Variants in RFLNA observed in about 807,000 individuals in gnomAD.
RFLNA encodes the protein refilin-A.
In RFLNA, 5 loss-of-function variants were observed where a neutral mutation model predicts 7.8. The ratio of observed to expected loss-of-function variants is 0.64; its 90% CI spans 0.34 to 1.35. RFLNA has a LOEUF of 1.35. Ranked by LOEUF, RFLNA falls within the 40% of genes most tolerant of loss-of-function variation. The pLI is 0.04. For missense variants in RFLNA, 278 were observed against 305.5 expected (o/e 0.91, Z 0.67); for synonymous variants, 141 against 131.3 (o/e 1.07, Z -0.50).
intron 1 of RFLNA, among the ~76,000 whole-genome samples, chr12:124,298,453 C>A (rs2033969873): frequency 6.6e-6 from 1 of 152,224 alleles, no homozygotes; most frequent in Admixed American, 6.5e-5. Context: ...TCCCCACTCA[C>A]CATGGGCTTT....
intron 1 of RFLNA, among the ~76,000 whole-genome samples, chr12:124,299,375 G>C (rs975498068): frequency 6.6e-6 from 1 of 152,222 alleles, no homozygotes; most frequent in African/African-American, 2.4e-5. Flanking sequence ...TCTTTCCATA[G>C]GTTTTGGGGG....
chr12:124,313,836 G>C (rs561239086), intron 2 of RFLNA, among the ~76,000 whole-genome samples: 1 of 152,308 alleles, frequency 6.6e-6, no homozygotes, highest in South Asian at 2.1e-4. Context: ...CATGACAGCA[G>C]CATAGTTGTC....
intron 1 of RFLNA, among the ~76,000 whole-genome samples, chr12:124,309,895 G>A (rs944648553): frequency 9.9e-5 from 15 of 152,208 alleles, no homozygotes; most frequent in African/African-American, 2.7e-4. Flanking sequence ...GGGGCCAGGC[G>A]TGGTGGCTCA....
At chr12:124,299,228 G>A (rs554514070) in intron 1 of RFLNA, among the ~76,000 whole-genome samples, 5 of 152,392 alleles carry the variant, frequency 3.3e-5, no homozygotes, top group Non-Finnish European at 7.3e-5. Flanking sequence ...AGTGTAGGGC[G>A]TGTCTCCATG....
rs754466658 is a variant in RFLNA, at chr12:124,306,561, C to T, written c.208-5257C>T. ...AGGGTGAGGGCCCGGGACCTGGAGCCGCACCAGCAGCGTTCCAGCCCTGAC... is the reference window on the plus strand; with the variant it reads ...AGGGTGAGGGCCCGGGACCTGGAGCTGCACCAGCAGCGTTCCAGCCCTGAC... On this transcript the variant is annotated intron_variant, in intron 1 of 2. Transcript: ENST00000546355. The surrounding 1 kb of genome is among the most constrained non-coding windows in gnomAD (Gnocchi z 5.2). Among the ~76,000 whole-genome samples the T allele has an allele frequency of 8.5e-5, 13 of 152,072 alleles. No homozygotes were observed. Among genetic ancestry groups the T allele is most frequent in the South Asian group, 2.1e-4 (1 of 4,822 alleles).
At chr12:124,308,005 A>G (rs1368008104) in intron 1 of RFLNA, among the ~76,000 whole-genome samples, 2 of 146,306 alleles carry the variant, frequency 1.4e-5, no homozygotes, top group African/African-American at 5.1e-5. Context: ...TTTTTGAGAC[A>G]GAGTCCCGCT....
upstream of RFLNA, among the ~76,000 whole-genome samples, chr12:124,290,608 G>A (rs980438188): frequency 7.2e-5 from 11 of 152,180 alleles, no homozygotes; most frequent in Non-Finnish European, 1.6e-4. The surrounding 1 kb of genome is among the most constrained non-coding windows in gnomAD (Gnocchi z 4.0). Flanking sequence ...ATGTGCATAT[G>A]TGTTTATGTG....
intron 1 of RFLNA, 141 bp downstream of exon 1, chr12:124,295,777 G>A (rs1252138024): frequency 8.5e-5 from 77 of 905,630 alleles, no homozygotes; most frequent in Non-Finnish European, 1.0e-4. Context: ...GCCAGTGACA[G>A]CCACGCTTCT....
chr12:124,307,046 A>G (rs1470147131), intron 1 of RFLNA, among the ~76,000 whole-genome samples: 2 of 152,208 alleles, frequency 1.3e-5, no homozygotes, highest in East Asian at 3.9e-4. Context: ...TCTTCAGCCA[A>G]GAACAAAGCA....
rs750891492 is a variant in RFLNA, at chr12:124,314,548, T to C, written c.*23T>C. On this transcript the variant is annotated 3_prime_UTR_variant, in exon 3 of 3. Transcript: ENST00000546355. ...TGACGGGGCTGGGGCCGGCCCGGGG[T>C]GCTGGAGGAGCCGGGAGCCCTGGGG... The C allele has an allele frequency of 1.2e-5, 18 of 1,549,822 alleles. No individual in the cohort carries two copies. The Admixed American group carries it at 2.9e-4, about 25-fold the overall frequency.
intron 1 of RFLNA, among the ~76,000 whole-genome samples, chr12:124,309,733 GA>G (rs2034204916): frequency 1.3e-5 from 2 of 152,234 alleles, no homozygotes; most frequent in Admixed American, 1.3e-4. Context: ...AGTCAGGCAG[GA>G]GGATGCCTCA....
intron 1 of RFLNA, among the ~76,000 whole-genome samples, chr12:124,302,765 G>GGAGGTCAGGGGCCGAGGTCAGGGGGCC (rs1173199812): frequency 7.9e-6 from 1 of 125,862 alleles, no homozygotes; most frequent in African/African-American, 2.7e-5. Context: ...TCACCGCCAG[G>GGAGGTCAGGGGCCGAGGTCAGGGGGCC]GAGGTCAGGG....
intron 1 of RFLNA, among the ~76,000 whole-genome samples, chr12:124,302,935 C>T (rs1446154470): frequency 2.0e-5 from 3 of 151,822 alleles, no homozygotes; most frequent in Non-Finnish European, 4.4e-5. Flanking sequence ...TCCCGCGGCC[C>T]GTGTGGGGCT....
At chr12:124,311,203 G>A (rs1012297061) in intron 1 of RFLNA, among the ~76,000 whole-genome samples, 5 of 152,222 alleles carry the variant, frequency 3.3e-5, no homozygotes, top group African/African-American at 4.8e-5. Flanking sequence ...CTTGTCCTCA[G>A]GGAGATGTGG....
chr12:124,307,747 A>G (rs2034161079), intron 1 of RFLNA, among the ~76,000 whole-genome samples: 1 of 152,138 alleles, frequency 6.6e-6, no homozygotes, highest in African/African-American at 2.4e-5. Flanking sequence ...TCCTAGAGCC[A>G]CTGTAAAAAA....
chr12:124,295,328 C>G lies in RFLNA; in HGVS notation c.-102C>G. 5.1e-6 allele frequency: 3 copies of G among 593,868 alleles called. No homozygotes were observed. The highest frequency in any genetic ancestry group is 4.9e-5 in the Admixed American group (1 of 20,616). The allele number at this position is 593,868 out of a possible 1,614,324, so 36.8% of individuals were successfully genotyped here. On this transcript the variant is annotated 5_prime_UTR_variant, in exon 1 of 3. Coordinates refer to ENST00000546355, the MANE Select transcript of RFLNA (RefSeq NM_001365156.1). Reference sequence around the variant, plus strand: ...GCCTCTCGCGGTGCCCGCAGGTCCCCGGGCGCGCAGCTCTCGCCCCGCCGC... The same window carrying G: ...GCCTCTCGCGGTGCCCGCAGGTCCCGGGGCGCGCAGCTCTCGCCCCGCCGC...
chr12:124,298,442 C>T (rs1418101497), intron 1 of RFLNA, among the ~76,000 whole-genome samples: 2 of 152,224 alleles, frequency 1.3e-5, no homozygotes, highest in African/African-American at 2.4e-5. Flanking sequence ...AATGAACCCC[C>T]TCCCCACTCA....
chr12:124,292,488 G>T (rs1308484822), upstream of RFLNA, among the ~76,000 whole-genome samples: 2 of 152,180 alleles, frequency 1.3e-5, no homozygotes, highest in African/African-American at 2.4e-5. Flanking sequence ...ACCATCTGGT[G>T]CTGTGAGAAA....
At chr12:124,310,801 G>T (rs2034231282) in intron 1 of RFLNA, among the ~76,000 whole-genome samples, 1 of 152,176 alleles carries the variant, frequency 6.6e-6, no homozygotes, top group Non-Finnish European at 1.5e-5. Context: ...TGCTTTCTTT[G>T]TGTCTGTCTG....
Sources: allele counts gnomAD v4.1 joint callset (sites outside exome capture counted in the v4.1 genomes callset), GRCh38; gene constraint gnomAD v4.1.1; non-coding constraint Gnocchi (gnomAD v3.1); transcripts MANE v1.5; gene names NCBI Gene and HGNC (gene_info 2026-07-23, HGNC 2026-07-21).